The following MED13L variants were observed in gnomAD, a reference collection of about 807,000 sequenced individuals.
The protein encoded by MED13L is mediator of RNA polymerase II transcription subunit 13-like.
MED13L carries 7 observed loss-of-function variants against 220.9 expected under a neutral mutation model. The ratio of observed to expected loss-of-function variants is 0.03; its 90% CI spans 0.02 to 0.06. The LOEUF is 0.06. Ranked by LOEUF, MED13L falls within the 10% of genes least tolerant of loss-of-function variation. MED13L has a pLI of 1.00. For missense variants in MED13L, 1,965 were observed against 2,760.5 expected, an observed-to-expected ratio of 0.71 and a Z score of 6.46; for synonymous variants, 1,011 against 1,015.2, an observed-to-expected ratio of 1.00 and a Z score of 0.08.
At chr12:116,021,086 T>C (rs1471693197) in intron 5 of MED13L, among the ~76,000 whole-genome samples, 1 of 152,184 alleles carries the variant, frequency 6.6e-6, no homozygotes, top group Non-Finnish European at 1.5e-5. Flanking sequence ...TGGATAATTA[T>C]GATGAATATA....
At chr12:116,046,429 A>C (rs1489786999) in intron 4 of MED13L, among the ~76,000 whole-genome samples, 1 of 152,228 alleles carries the variant, frequency 6.6e-6, no homozygotes, top group East Asian at 1.9e-4. Flanking sequence ...AGAAATGGCC[A>C]TTTAAAAGAA....
At chr12:116,168,859 T>A (rs1879473647) in intron 2 of MED13L, among the ~76,000 whole-genome samples, 1 of 152,210 alleles carries the variant, frequency 6.6e-6, no homozygotes, top group African/African-American at 2.4e-5. Context: ...CAGTATTTAT[T>A]ATATTGGAAA....
At position 116,146,576 on chromosome 12, in the gene MED13L, C is replaced by T. The variant is rs537916064; in HGVS notation, c.311-35064G>A. Among the ~76,000 whole-genome samples, 5 of 151,990 alleles carry T rather than the reference C, an allele frequency of 3.3e-5. No individual in the cohort carries two copies. In the East Asian group the frequency reaches 9.7e-4, roughly 29 times the overall value. ...CCTGCTTTAAATCTTGATTAAATTC[C>T]CTAAATAGCCAACCATGGTGACTCA... On this transcript the variant is annotated intron_variant, in intron 2 of 30. Coordinates refer to ENST00000281928, the MANE Select transcript of MED13L (RefSeq NM_015335.5).
chr12:115,992,033 C>T (rs1272727442), intron 16 of MED13L, 76 bp from the exon 17 acceptor site: 2 of 1,230,056 alleles, frequency 1.6e-6, no homozygotes, highest in Non-Finnish European at 1.2e-6. Context: ...ATCACCCCAG[C>T]CATGTACTGT....
At chr12:116,117,290 C>A (rs1270885297) in intron 2 of MED13L, among the ~76,000 whole-genome samples, 2 of 152,114 alleles carry the variant, frequency 1.3e-5, no homozygotes, top group Non-Finnish European at 2.9e-5. Context: ...GGTGGTGAGA[C>A]AGGTTGATAC....
intron 1 of MED13L, chr12:116,276,746 G>T (rs971050498): frequency 7.8e-7 from 1 of 1,285,376 alleles, no homozygotes; most frequent in Non-Finnish European, 1.0e-6. Flanking sequence ...GAGGAGAAGG[G>T]GAGTGCGATT....
intron 2 of MED13L, among the ~76,000 whole-genome samples, chr12:116,144,267 T>G (rs1215444740): frequency 6.6e-6 from 1 of 152,232 alleles, no homozygotes; most frequent in Non-Finnish European, 1.5e-5. Context: ...GTCCACATCC[T>G]AATTTTGGAT....
chr12:115,997,359 A>C, intron 14 of MED13L, 129 bp from the exon 15 acceptor site: 1 of 710,704 alleles, frequency 1.4e-6, no homozygotes, highest in South Asian at 1.7e-5. Flanking sequence ...TCACAAAAGA[A>C]TATTAATAAT....
intron 4 of MED13L, among the ~76,000 whole-genome samples, chr12:116,035,716 G>A (rs960900056): frequency 4.0e-5 from 6 of 151,776 alleles, no homozygotes; most frequent in South Asian, 2.1e-4. Context: ...TACGCCTCCC[G>A]AGTAGCTGGG....
chr12:116,021,014 A>C (rs1243566506), intron 5 of MED13L, among the ~76,000 whole-genome samples: 1 of 152,150 alleles, frequency 6.6e-6, no homozygotes, highest in Non-Finnish European at 1.5e-5. Context: ...GACTCCAACT[A>C]ACACAGTTAA....
intron 23 of MED13L, 85 bp from the exon 24 acceptor site, chr12:115,975,823 C>T (rs1876899144): frequency 1.6e-6 from 2 of 1,263,042 alleles, no homozygotes; most frequent in Non-Finnish European, 2.3e-6. Context: ...CTGAGGGGAC[C>T]CACAGGGAGT....
intron 4 of MED13L, among the ~76,000 whole-genome samples, chr12:116,032,856 A>T (rs899098124): frequency 8.5e-5 from 13 of 152,134 alleles, no homozygotes; most frequent in Non-Finnish European, 1.2e-4. Flanking sequence ...CTGGAAACAA[A>T]GGGAGATGAG....
At chr12:116,127,804 T>C (rs987670902) in intron 2 of MED13L, among the ~76,000 whole-genome samples, 2 of 152,200 alleles carry the variant, frequency 1.3e-5, no homozygotes, top group African/African-American at 4.8e-5. Flanking sequence ...TTAAGTCACA[T>C]CGTAGCATCC....
chr12:116,083,417 A>AC (rs1175186225), intron 4 of MED13L, among the ~76,000 whole-genome samples: 1 of 151,242 alleles, frequency 6.6e-6, no homozygotes, highest in East Asian at 1.9e-4. Flanking sequence ...AAAAAAAAAA[A>AC]AAAAAAAAAA....
intron 7 of MED13L, among the ~76,000 whole-genome samples, chr12:116,016,033 T>C (rs1273806413): frequency 6.6e-6 from 1 of 152,212 alleles, no homozygotes; most frequent in Non-Finnish European, 1.5e-5. Context: ...GGTTGTTGTT[T>C]ACATTTTGAG....
At chr12:115,989,815 C>A (rs982305234) in intron 17 of MED13L, among the ~76,000 whole-genome samples, 1 of 152,204 alleles carries the variant, frequency 6.6e-6, no homozygotes, top group Non-Finnish European at 1.5e-5. Context: ...ACCTTCTTCA[C>A]AAGGACACTA....
intron 4 of MED13L, among the ~76,000 whole-genome samples, chr12:116,044,610 A>T (rs1204472674): frequency 6.6e-6 from 1 of 152,212 alleles, no homozygotes; most frequent in Non-Finnish European, 1.5e-5. Flanking sequence ...TATTTCTCTG[A>T]GCATGTGAGC....
At chr12:116,021,982 A>C (rs887954369) in intron 5 of MED13L, among the ~76,000 whole-genome samples, 2 of 152,214 alleles carry the variant, frequency 1.3e-5, no homozygotes, top group African/African-American at 2.4e-5. Context: ...AAAGTTAGGA[A>C]CATCGCTGAA....
chr12:116,033,155 G>T (rs1256347712), intron 4 of MED13L, among the ~76,000 whole-genome samples: 1 of 151,996 alleles, frequency 6.6e-6, no homozygotes, highest in African/African-American at 2.4e-5. Flanking sequence ...GGACTTTATA[G>T]AGGGGTTTGT....
Sources: gnomAD v4.1 joint callset for allele counts (sites outside exome capture counted in the v4.1 genomes callset) on GRCh38, gnomAD v4.1.1 for gene constraint, MANE v1.5 for transcripts, NCBI Gene and HGNC (gene_info 2026-07-23, HGNC 2026-07-21) for gene names.